The following ESRP1 variants were observed in gnomAD, a reference collection of about 807,000 sequenced individuals.
ESRP1 encodes the protein epithelial splicing regulatory protein 1.
A neutral mutation model predicts 81.7 loss-of-function variants in ESRP1; 33 were observed. That is an observed-to-expected ratio of 0.40 (90% CI 0.31 to 0.54). The LOEUF (loss-of-function observed/expected upper bound fraction) is 0.54. Ranked by LOEUF, ESRP1 falls within the 20% of genes least tolerant of loss-of-function variation. ESRP1 has a pLI of 0.41. For synonymous variants in ESRP1, 320 were observed against 303.3 expected (o/e 1.06, Z -0.57); for missense variants, 672 against 833.1 (o/e 0.81, Z 2.38).
At chr8:94,658,441 C>G (rs979669292) in intron 4 of ESRP1, among the ~76,000 whole-genome samples, 6 of 152,150 alleles carry the variant, frequency 3.9e-5, no homozygotes, top group Non-Finnish European at 7.4e-5. Context: ...GAGAAAATAG[C>G]ATAACATTTT....
chr8:94,660,108 C>G (rs1818641130), intron 4 of ESRP1, among the ~76,000 whole-genome samples: 1 of 152,192 alleles, frequency 6.6e-6, no homozygotes, highest in Non-Finnish European at 1.5e-5. Context: ...ATGAAGGCAG[C>G]TACACTAAGC....
intron 10 of ESRP1, among the ~76,000 whole-genome samples, chr8:94,668,995 AGGCTGT>A (rs1160019257): frequency 6.6e-6 from 1 of 152,104 alleles, no homozygotes; most frequent in African/African-American, 2.4e-5. Flanking sequence ...GTTTCGCGGC[AGGCTGT>A]TCTCGAACTC....
intron 11 of ESRP1, among the ~76,000 whole-genome samples, chr8:94,673,742 T>C (rs1819449189): frequency 6.6e-6 from 1 of 152,110 alleles, no homozygotes; most frequent in Non-Finnish European, 1.5e-5. Flanking sequence ...CTCTCACAAA[T>C]CATCACTGGG....
chr8:94,645,605 C>T (rs1004830005), intron 3 of ESRP1, among the ~76,000 whole-genome samples: 2 of 152,146 alleles, frequency 1.3e-5, no homozygotes, highest in African/African-American at 2.4e-5. Context: ...TTCACAGGTA[C>T]AGCTACAATA....
intron 4 of ESRP1, among the ~76,000 whole-genome samples, chr8:94,653,665 G>A (rs1234616509): frequency 6.6e-6 from 1 of 152,156 alleles, no homozygotes; most frequent in African/African-American, 2.4e-5. Context: ...TGTTAGTACA[G>A]GTAAACTTGA....
At chr8:94,649,945 A>T (rs1818036045) in intron 4 of ESRP1, among the ~76,000 whole-genome samples, 1 of 152,148 alleles carries the variant, frequency 6.6e-6, no homozygotes. Context: ...ATGCTGCACC[A>T]TTGAGCAGAA....
At chr8:94,642,820 C>T (rs1397824970) in intron 2 of ESRP1, among the ~76,000 whole-genome samples, 3 of 152,154 alleles carry the variant, frequency 2.0e-5, no homozygotes, top group African/African-American at 7.2e-5. Flanking sequence ...GACCTCTGCC[C>T]TAGCACACGA....
intron 13 of ESRP1, among the ~76,000 whole-genome samples, chr8:94,681,345 A>C (rs892630734): frequency 7.0e-6 from 1 of 143,808 alleles, no homozygotes; most frequent in Admixed American, 7.1e-5. Context: ...AAAAAAAAAA[A>C]AAAAAAAACT....
chr8:94,704,766 G>GAAAAAAA (rs10618511), intron 15 of ESRP1, among the ~76,000 whole-genome samples: 1 of 108,752 alleles, frequency 9.2e-6, no homozygotes, highest in Non-Finnish European at 1.8e-5. Flanking sequence ...ATCTCTTTTT[G>GAAAAAAA]AAAAAAAAAA....
At chr8:94,643,054 A>G (rs1399594520) in intron 2 of ESRP1, among the ~76,000 whole-genome samples, 3 of 152,170 alleles carry the variant, frequency 2.0e-5, no homozygotes, top group Admixed American at 2.0e-4. Context: ...TTTTTTTTGT[A>G]AAAACAGAAG....
intron 4 of ESRP1, among the ~76,000 whole-genome samples, chr8:94,654,226 G>A (rs1249291899): frequency 2.0e-5 from 3 of 152,182 alleles, no homozygotes; most frequent in Non-Finnish European, 4.4e-5. Context: ...GCTGAGGCAT[G>A]AGAATCGCTT....
chr8:94,663,404 C>T (rs913349797), intron 6 of ESRP1, among the ~76,000 whole-genome samples: 1 of 152,056 alleles, frequency 6.6e-6, no homozygotes, highest in African/African-American at 2.4e-5. Context: ...TACCATCATG[C>T]CTGGCTAAGT....
At chr8:94,702,939 T>G (rs1385824505) in intron 15 of ESRP1, among the ~76,000 whole-genome samples, 2 of 152,222 alleles carry the variant, frequency 1.3e-5, no homozygotes, top group Admixed American at 6.5e-5. Flanking sequence ...TAAAGACTTC[T>G]TTGTATGTAA....
intron 2 of ESRP1, among the ~76,000 whole-genome samples, 193 bp from the exon 3 acceptor site, chr8:94,643,110 A>T (rs1444776784): frequency 6.6e-6 from 1 of 152,206 alleles, no homozygotes; most frequent in Non-Finnish European, 1.5e-5. Flanking sequence ...CTGCGGATTG[A>T]TTGGAAAGCT....
At chr8:94,682,919 TATATATATATATA>T (rs1200322773) in intron 13 of ESRP1, among the ~76,000 whole-genome samples, 1 of 32,032 alleles carries the variant, frequency 3.1e-5, no homozygotes, top group African/African-American at 1.7e-4. Context: ...TATATATATA[TATATATATATATA>T]TTTTTTTTTT....
rs1218283611 is a variant in ESRP1 at position 94,665,109 on chromosome 8, T to C, written c.889-45T>C. ...TGGACATCGTGAATGAGAATTAACA[T>C]AGGACGGAAGGCTCAGAAACACTAA... On this transcript the variant is annotated intron_variant, in intron 8 of 15. Transcript: ENST00000433389. The C allele has an allele frequency of 3.7e-6, 6 of 1,613,694 alleles. No homozygotes were observed. In the African/African-American group the frequency reaches 4.0e-5, roughly 11 times the overall value.
intron 14 of ESRP1, among the ~76,000 whole-genome samples, chr8:94,693,716 T>G (rs951627865): frequency 6.6e-6 from 1 of 152,176 alleles, no homozygotes; most frequent in Admixed American, 6.5e-5. Context: ...CTTGAGCATT[T>G]TCAGTACAGC....
chr8:94,670,140 G>A (rs1408284010), intron 10 of ESRP1, among the ~76,000 whole-genome samples: 1 of 152,100 alleles, frequency 6.6e-6, no homozygotes, highest in Non-Finnish European at 1.5e-5. Flanking sequence ...AGTTGCTTTT[G>A]GGTGTGCATT....
At position 94,678,409 on chromosome 8, in the gene ESRP1, C is replaced by T; in HGVS notation, c.1820+38C>T. 4 of 1,596,774 alleles carry T rather than the reference C, an allele frequency of 2.5e-6. No homozygotes were observed. The South Asian group carries it at 3.4e-5, about 13-fold the overall frequency. ...CAGAGGTGGAAATGAGGGGCAGAAA[C>T]AAAGGACTCCTTTGATAGCCAGTGC... On this transcript the variant is annotated intron_variant, in intron 13 of 15. Coordinates refer to ENST00000433389, the MANE Select transcript of ESRP1 (RefSeq NM_017697.4).
Sources: gnomAD v4.1 joint callset for allele counts (sites outside exome capture counted in the v4.1 genomes callset) on GRCh38, gnomAD v4.1.1 for gene constraint, MANE v1.5 for transcripts, NCBI Gene and HGNC (gene_info 2026-07-23, HGNC 2026-07-21) for gene names.